DCTPP1: variants seen among roughly 807,000 people sequenced by gnomAD.
DCTPP1 encodes XTP3-transactivated gene A protein.
A neutral mutation model predicts 8.8 loss-of-function variants in DCTPP1; 8 were observed. The ratio of observed to expected loss-of-function variants is 0.91; its 90% CI spans 0.54 to 1.64. The LOEUF (loss-of-function observed/expected upper bound fraction) is 1.64. DCTPP1 is among the 40% of genes most tolerant of loss of function. The pLI is 0.00. For synonymous variants in DCTPP1, 85 were observed against 92.1 expected (o/e 0.92, Z 0.44); for missense variants, 231 against 230.4 (o/e 1.00, Z -0.02).
At chr16:30,427,727 T>C (rs2050202248) in intron 2 of DCTPP1, among the ~76,000 whole-genome samples, 1 of 152,212 alleles carries the variant, frequency 6.6e-6, no homozygotes, top group Non-Finnish European at 1.5e-5. Flanking sequence ...TGTGCAGTGG[T>C]TCAACCTGTA....
chr16:30,427,352 G>A (rs1277336392), intron 2 of DCTPP1, among the ~76,000 whole-genome samples: 4 of 149,808 alleles, frequency 2.7e-5, no homozygotes, highest in African/African-American at 9.9e-5. Context: ...TTGCTCTGTC[G>A]CCCAGGCTGG....
rs147236122 is a variant in DCTPP1, at chr16:30,424,331, G to A, written c.415C>T (p.Arg139Cys). 203 of 1,614,208 alleles carry A rather than the reference G, an allele frequency of 1.3e-4. No individual in the cohort carries two copies. Among genetic ancestry groups the A allele is most frequent in the Admixed American group, 5.2e-4 (31 of 60,016 alleles). The change falls in exon 3 of 3, where the codon CGC becomes TGC. Residue 139 changes from arginine to cysteine, a missense_variant. By Grantham distance (180) the Arg-to-Cys change is radical. Coordinates refer to ENST00000319285, the MANE Select transcript of DCTPP1 (RefSeq NM_024096.2). ...YPAHLARSSS[R>C]KYTELPHGAI... ...CCATGGGGCAATTCTGTATACTTGC[G>A]GGAAGAGCTGCGGGCCAGATGGGCT... is the stretch of plus-strand genomic sequence containing the variant.
chr16:30,426,123 T>C (rs2050190875), intron 2 of DCTPP1, among the ~76,000 whole-genome samples: 1 of 152,216 alleles, frequency 6.6e-6, no homozygotes, highest in South Asian at 2.1e-4. Flanking sequence ...CTTCCTGTTA[T>C]TCAGGGCTCA....
chr16:30,427,566 A>G (rs901848272), intron 2 of DCTPP1, among the ~76,000 whole-genome samples: 5 of 152,212 alleles, frequency 3.3e-5, no homozygotes, highest in African/African-American at 1.2e-4. Context: ...AGAACTTGTC[A>G]TAATTCCAGA....
Position 30,429,125 on chromosome 16 carries a change from T to C in DCTPP1, c.144A>G (p.Glu48=), listed in dbSNP as rs769888382. 1.2e-6 allele frequency: 2 copies of C among 1,613,984 alleles called. No homozygotes were observed. Among genetic ancestry groups the C allele is most frequent in the Non-Finnish European group, 1.7e-6 (2 of 1,179,952 alleles). ...HAEFAAERDW[E]QFHQPRNLLL... ...GGAGATTCCGAGGCTGATGGAACTG[T>C]TCCCAGTCTCGTTCCGCAGCAAACT... The change falls in exon 2 of 3, where the codon GAA becomes GAG. Residue 48 remains glutamate, a synonymous_variant. Transcript: ENST00000319285.
rs777328069 is a variant in DCTPP1, at chr16:30,429,077, C to A, written c.192G>T (p.Val64=). 2 of 1,613,818 alleles carry A rather than the reference C, an allele frequency of 1.2e-6. No individual in the cohort carries two copies. The highest frequency in any genetic ancestry group is 1.3e-5 in the African/African-American group (1 of 75,040). Residue 64 remains valine (V), a synonymous_variant, in exon 2 of 3, where the codon GTG becomes GTT. Transcript: ENST00000319285. ...RNLLLALVGE[V]GELAELFQWK... is the part of the protein sequence containing the mutation. ...CTCACAAGAGTTCTGCCAGCTCCCC[C>A]ACTTCCCCAACCAAGGCCAGGAGGA...
intron 1 of DCTPP1, 26 bp from the exon 2 acceptor site, chr16:30,429,193 T>C (rs1166319516): frequency 1.2e-6 from 2 of 1,612,548 alleles, no homozygotes; most frequent in African/African-American, 2.7e-5. Flanking sequence ...GGAGTGTAAG[T>C]CCAAGTCTCC....
chr16:30,424,651 G>T, intron 2 of DCTPP1, 118 bp from the exon 3 acceptor site: 4 of 1,327,972 alleles, frequency 3.0e-6, no homozygotes, highest in Non-Finnish European at 4.1e-6. Flanking sequence ...TGGGCCCTGG[G>T]AAGAGTCAGG....
chr16:30,427,911 G>A (rs1000158976), intron 2 of DCTPP1, among the ~76,000 whole-genome samples: 1 of 152,188 alleles, frequency 6.6e-6, no homozygotes, highest in Non-Finnish European at 1.5e-5. Flanking sequence ...TGAGGTGGGA[G>A]GATCGTTTGA....
At chr16:30,424,912 C>T (rs2050184477) in intron 2 of DCTPP1, among the ~76,000 whole-genome samples, 1 of 152,230 alleles carries the variant, frequency 6.6e-6, no homozygotes, top group Non-Finnish European at 1.5e-5. Flanking sequence ...GAGACGGAGT[C>T]TCGCTCTGTC....
chr16:30,425,384 G>C (rs1409107805), intron 2 of DCTPP1, among the ~76,000 whole-genome samples: 1 of 152,096 alleles, frequency 6.6e-6, no homozygotes, highest in Non-Finnish European at 1.5e-5. Flanking sequence ...AGGTACTCAG[G>C]AGGCTGAGGC....
At chr16:30,429,519 C>G (rs2050212647) in intron 1 of DCTPP1, 1 of 404,092 alleles carries the variant, frequency 2.5e-6, no homozygotes, top group Admixed American at 4.4e-5. Context: ...CTCTAAGAAG[C>G]CTTTCTTGAC....
chr16:30,425,321 T>C (rs1276700265), intron 2 of DCTPP1, among the ~76,000 whole-genome samples: 1 of 151,942 alleles, frequency 6.6e-6, no homozygotes, highest in Non-Finnish European at 1.5e-5. Context: ...ACCCCGTCTC[T>C]ACTAAATATA....
At chr16:30,429,765 A>G (rs1269018185) in intron 1 of DCTPP1, 115 bp downstream of exon 1, 14 of 1,018,774 alleles carry the variant, frequency 1.4e-5, no homozygotes, top group Non-Finnish European at 1.8e-5. Context: ...CAGCCCACAG[A>G]GCCAGGACCC....
intron 2 of DCTPP1, among the ~76,000 whole-genome samples, chr16:30,425,824 T>TAAACA (rs997040358): frequency 5.3e-5 from 8 of 152,078 alleles, no homozygotes; most frequent in African/African-American, 1.2e-4. Flanking sequence ...TCTCAAAAAC[T>TAAACA]AAACAAAACA....
At chr16:30,424,596 T>A (rs896484777) in intron 2 of DCTPP1, 63 bp from the exon 3 acceptor site, 4 of 1,566,298 alleles carry the variant, frequency 2.6e-6, no homozygotes, top group Non-Finnish European at 3.4e-6. Context: ...GCTCTGCCAG[T>A]CCTTGCAGTA....
intron 2 of DCTPP1, among the ~76,000 whole-genome samples, chr16:30,425,064 G>A (rs997458097): frequency 2.0e-5 from 3 of 152,208 alleles, no homozygotes; most frequent in Non-Finnish European, 4.4e-5. Flanking sequence ...TTTTCTAGTA[G>A]AGACAGGGTT....
In DCTPP1 at chr16:30,429,866, C is replaced by A; in HGVS notation, c.101+14G>T. Reference sequence around the variant, plus strand: ...GGCGACTTCCCCACCCCGAGCTGGGCCAGGCCTGCTTACATGTCCTCGAGC... The same window carrying A: ...GGCGACTTCCCCACCCCGAGCTGGGACAGGCCTGCTTACATGTCCTCGAGC... On this transcript the variant is annotated intron_variant, in intron 1 of 2. Transcript: ENST00000319285. 6.3e-7 allele frequency: 1 copy of A among 1,595,606 alleles called. No individual in the cohort carries two copies. The highest frequency in any genetic ancestry group is 8.5e-7 in the Non-Finnish European group (1 of 1,171,984).
rs1243582830 is a variant in DCTPP1, at chr16:30,424,312, G to A, written c.434C>T (p.Pro145Leu). 6.2e-7 allele frequency: 1 copy of A among 1,614,210 alleles called. No individual in the cohort carries two copies. Among genetic ancestry groups the A allele is most frequent in the South Asian group, 1.1e-5 (1 of 91,086 alleles). Residue 145 changes from proline (P) to leucine (L), a missense_variant, in exon 3 of 3, where the codon CCC (proline) becomes CTC (leucine). Pro to Leu is a moderately conservative substitution (Grantham distance 98). Transcript: ENST00000319285. ...CTGGTCTTCAGAGATGGCCCCATGGGGCAATTCTGTATACTTGCGGGAAGA... is the reference window on the plus strand; with the variant it reads ...CTGGTCTTCAGAGATGGCCCCATGGAGCAATTCTGTATACTTGCGGGAAGA... ...RSSSRKYTEL[P>L]HGAISEDQAV...
Sources: gnomAD v4.1 joint callset for allele counts (sites outside exome capture counted in the v4.1 genomes callset) on GRCh38, gnomAD v4.1.1 for gene constraint, MANE v1.5 for transcripts, NCBI Gene and HGNC (gene_info 2026-07-23, HGNC 2026-07-21) for gene names.